The following LHPP variants were observed in gnomAD, a reference collection of about 807,000 sequenced individuals.
LHPP encodes hLHPP.
In LHPP, 24 loss-of-function variants were observed where a neutral mutation model predicts 30.3. The observed-to-expected ratio is 0.79, with a 90% CI of 0.57 to 1.11. LHPP has a LOEUF of 1.11. Ranked by LOEUF, LHPP falls within the 50% of genes most tolerant of loss-of-function variation. LHPP has a pLI of 0.00. For missense variants in LHPP, 356 were observed against 367.2 expected (o/e 0.97, Z 0.25); for synonymous variants, 150 against 157.1 (o/e 0.95, Z 0.34).
intron 6 of LHPP, among the ~76,000 whole-genome samples, chr10:124,589,242 G>A (rs1028400341): frequency 2.6e-5 from 4 of 152,254 alleles, no homozygotes; most frequent in Non-Finnish European, 4.4e-5. Flanking sequence ...CCTCCTTGGC[G>A]GTGGCCGTGC....
rs1325825884 is a variant in LHPP, at chr10:124,478,379, G to A, written c.126-5760G>A. On this transcript the variant is annotated intron_variant, in intron 1 of 6. Transcript: ENST00000368842. The surrounding 1 kb of genome is among the most constrained non-coding windows in gnomAD (Gnocchi z 4.7). Reference sequence around the variant, plus strand: ...CAGTACCGGGGCTAGAGGGCAGGGGGCCCAGCTGGGAGGGGCTCATGCTGC... The same window carrying A: ...CAGTACCGGGGCTAGAGGGCAGGGGACCCAGCTGGGAGGGGCTCATGCTGC... 6.6e-6 allele frequency among the ~76,000 whole-genome samples: 1 copy of A among 152,182 alleles called. No individual in the cohort carries two copies. Among genetic ancestry groups the A allele is most frequent in the African/African-American group, 2.4e-5 (1 of 41,446 alleles).
At chr10:124,579,736 T>G (rs1284019903) in intron 6 of LHPP, among the ~76,000 whole-genome samples, 6 of 152,228 alleles carry the variant, frequency 3.9e-5, no homozygotes, top group Non-Finnish European at 5.9e-5. Flanking sequence ...TTCTTTCTTT[T>G]AACAGATACT....
At chr10:124,536,220 T>C (rs951183185) in intron 6 of LHPP, among the ~76,000 whole-genome samples, 1 of 152,128 alleles carries the variant, frequency 6.6e-6, no homozygotes, top group Non-Finnish European at 1.5e-5. Context: ...TGCTCCCGAG[T>C]ATTTTGCCCA....
At chr10:124,552,531 TA>T (rs1948188126) in intron 6 of LHPP, among the ~76,000 whole-genome samples, 1 of 152,168 alleles carries the variant, frequency 6.6e-6, no homozygotes, top group African/African-American at 2.4e-5. Context: ...GGGGCATCAT[TA>T]ATGGGCTGTT....
rs376862380 is a variant in LHPP at position 124,497,467 on chromosome 10, C to T, written c.531+443C>T. On this transcript the variant is annotated intron_variant, in intron 4 of 6. Coordinates refer to ENST00000368842, the MANE Select transcript of LHPP (RefSeq NM_022126.4). ...TTGACGGGTCCTCACTGGCCTCCTT[C>T]CTGACTTCCCCTTCAGTTTCCAAGG... 9.2e-5 allele frequency among the ~76,000 whole-genome samples: 14 copies of T among 152,090 alleles called. No individual in the cohort carries two copies. The South Asian group carries it at 2.9e-3, about 32-fold the overall frequency.
intron 6 of LHPP, among the ~76,000 whole-genome samples, chr10:124,547,097 C>A (rs1334829703): frequency 6.6e-6 from 1 of 152,014 alleles, no homozygotes; most frequent in Non-Finnish European, 1.5e-5. Context: ...TTGTCCTGTT[C>A]CTCTTTGCAC....
At chr10:124,497,974 G>A in intron 4 of LHPP, 62 bp from the exon 5 acceptor site, 1 of 1,316,324 alleles carries the variant, frequency 7.6e-7, no homozygotes, top group Non-Finnish European at 1.1e-6. Flanking sequence ...GTGTTTCCGT[G>A]GCTGGGCATA....
intron 1 of LHPP, among the ~76,000 whole-genome samples, chr10:124,463,801 C>A (rs1048460265): frequency 5.3e-5 from 8 of 149,666 alleles, no homozygotes; most frequent in African/African-American, 7.4e-5. Context: ...AGCCACCACA[C>A]CTGGCCTAAT....
intron 1 of LHPP, among the ~76,000 whole-genome samples, chr10:124,469,373 G>A (rs184605511): frequency 6.6e-6 from 1 of 152,126 alleles, no homozygotes; most frequent in South Asian, 2.1e-4. Flanking sequence ...TGAGGGCCAC[G>A]GAGCACGGGG....
Position 124,462,077 on chromosome 10 carries a change from C to T in LHPP, c.125+90C>T, listed in dbSNP as rs1952415453. The T allele has an allele frequency of 9.0e-6, 10 of 1,116,134 alleles. No homozygotes were observed. The East Asian group carries it at 4.1e-4, about 45-fold the overall frequency. 69.1% of individuals were successfully genotyped at this position (1,116,134 alleles called of 1,614,324 possible). On this transcript the variant is annotated intron_variant, in intron 1 of 6. Coordinates refer to ENST00000368842, the MANE Select transcript of LHPP (RefSeq NM_022126.4). ...CGGCAGGGGGCGGGGCGGCAGGGGG[C>T]GGGGCCGCGGCGCAGGCCCCGCCTC...
At chr10:124,462,488 G>A (rs1045848302) in intron 1 of LHPP, among the ~76,000 whole-genome samples, 8 of 152,044 alleles carry the variant, frequency 5.3e-5, no homozygotes, top group Admixed American at 3.3e-4. Flanking sequence ...CCAGCCACTT[G>A]GGAGGCTGAG....
chr10:124,568,901 T>A (rs1378469283), intron 6 of LHPP, among the ~76,000 whole-genome samples: 2 of 152,114 alleles, frequency 1.3e-5, no homozygotes, highest in Non-Finnish European at 2.9e-5. Flanking sequence ...GAGGCCCCCC[T>A]AGGTTTGTCT....
At chr10:124,506,263 A>ACCCCCCCCCCCCCCCCCCCC (rs539116106) in intron 5 of LHPP, among the ~76,000 whole-genome samples, 2 of 86,330 alleles carry the variant, frequency 2.3e-5, no homozygotes, top group Non-Finnish European at 4.6e-5. Context: ...AAAACAACAA[A>ACCCCCCCCCCCCCCCCCCCC]CCCCCCCCCC....
chr10:124,544,533 C>T (rs552336418), intron 6 of LHPP, among the ~76,000 whole-genome samples: 22 of 89,946 alleles, frequency 2.4e-4, no homozygotes, highest in Non-Finnish European at 4.7e-4. Flanking sequence ...GCTGACACAG[C>T]CCAAGCTGTC....
chr10:124,553,692 C>A (rs1311876562), intron 6 of LHPP, among the ~76,000 whole-genome samples: 1 of 152,162 alleles, frequency 6.6e-6, no homozygotes, highest in Non-Finnish European at 1.5e-5. Context: ...ATCTCCTGAC[C>A]TTGTGATCCG....
Position 124,613,273 on chromosome 10 carries a change from C to G in LHPP, c.726C>G (p.Asp242Glu). Residue 242 changes from aspartate to glutamate, a missense_variant, in exon 7 of 7, where the codon GAC becomes GAG. Physicochemically the swap from Asp to Glu is conservative, Grantham distance 45. Transcript: ENST00000368842. ...QVRTGKFRPS[D>E]EHHPEVKADG... Reference sequence around the variant, plus strand: ...CGGCCATCCTCTCCAGGCCCAGTGACGAGCACCATCCGGAAGTGAAGGCTG... The same window carrying G: ...CGGCCATCCTCTCCAGGCCCAGTGAGGAGCACCATCCGGAAGTGAAGGCTG... 2 of 1,613,162 alleles carry G rather than the reference C, an allele frequency of 1.2e-6. No homozygotes were observed. The highest frequency in any genetic ancestry group is 1.7e-6 in the Non-Finnish European group (2 of 1,179,672).
At chr10:124,539,921 A>G (rs1955139947) in intron 6 of LHPP, among the ~76,000 whole-genome samples, 1 of 152,098 alleles carries the variant, frequency 6.6e-6, no homozygotes, top group Non-Finnish European at 1.5e-5. Context: ...AAATAGACAT[A>G]ATAAGAGTAC....
At chr10:124,604,485 A>C (rs1452755214) in intron 6 of LHPP, among the ~76,000 whole-genome samples, 6 of 152,316 alleles carry the variant, frequency 3.9e-5, no homozygotes, top group African/African-American at 1.4e-4. Context: ...AGCAGCCTTC[A>C]GAGAAGCTGC....
At chr10:124,546,943 T>G (rs1426983659) in intron 6 of LHPP, among the ~76,000 whole-genome samples, 1 of 152,212 alleles carries the variant, frequency 6.6e-6, no homozygotes, top group Non-Finnish European at 1.5e-5. Context: ...ATGGTTTTCA[T>G]GTTTTCTGCA....
Sources: gnomAD v4.1 joint callset for allele counts (sites outside exome capture counted in the v4.1 genomes callset) on GRCh38, gnomAD v4.1.1 for gene constraint, Gnocchi (gnomAD v3.1) non-coding constraint, MANE v1.5 for transcripts, NCBI Gene and HGNC (gene_info 2026-07-23, HGNC 2026-07-21) for gene names.